Variants in PARP8 observed in about 807,000 individuals in gnomAD.
The protein encoded by PARP8 is poly(ADP-ribose) polymerase family member 8.
In PARP8, 51 loss-of-function variants were observed where a neutral mutation model predicts 124.1. The ratio of observed to expected loss-of-function variants is 0.41; its 90% CI spans 0.33 to 0.52. The LOEUF (loss-of-function observed/expected upper bound fraction) is 0.52. PARP8 is among the 20% of genes least tolerant of loss of function. The pLI is 0.21. For missense variants in PARP8, 860 were observed against 1,018.9 expected, an observed-to-expected ratio of 0.84 and a Z score of 2.12; for synonymous variants, 391 against 361.5, an observed-to-expected ratio of 1.08 and a Z score of -0.93.
chr5:50,828,422 C>A, intron 21 of PARP8, 38 bp downstream of exon 21: 1 of 1,558,592 alleles, frequency 6.4e-7, no homozygotes, highest in Non-Finnish European at 8.8e-7. Context: ...CTTCATTCTT[C>A]TTCAGAATTG....
chr5:50,819,387 C>CCT (rs1364791159), intron 15 of PARP8, among the ~76,000 whole-genome samples: 1 of 150,934 alleles, frequency 6.6e-6, no homozygotes, highest in Non-Finnish European at 1.5e-5. Context: ...GTGTCATTCC[C>CCT]CTCCTCCCTA....
intron 2 of PARP8, among the ~76,000 whole-genome samples, chr5:50,702,022 C>G (rs561577086): frequency 2.0e-5 from 3 of 152,020 alleles, no homozygotes; most frequent in Non-Finnish European, 4.4e-5. Flanking sequence ...TGACAACTGA[C>G]CTTCTTAATA....
At position 50,832,872 on chromosome 5, in the gene PARP8, G is replaced by A. The variant is rs1747140735; in HGVS notation, c.2307+18G>A. 1 of 1,610,604 alleles carries A rather than the reference G, an allele frequency of 6.2e-7. No homozygotes were observed. The highest frequency in any genetic ancestry group is 8.5e-7 in the Non-Finnish European group (1 of 1,177,162). On this transcript the variant is annotated intron_variant, in intron 23 of 25. Coordinates refer to ENST00000281631, the MANE Select transcript of PARP8 (RefSeq NM_024615.4). ...CATCACAGGTGTTGTAGTGACTTTAGTGACTGCTTATGATTAGTGAACTGT... is the reference window on the plus strand; with the variant it reads ...CATCACAGGTGTTGTAGTGACTTTAATGACTGCTTATGATTAGTGAACTGT...
At chr5:50,762,773 A>G (rs758227133) in intron 6 of PARP8, among the ~76,000 whole-genome samples, 25 of 152,224 alleles carry the variant, frequency 1.6e-4, no homozygotes, top group Non-Finnish European at 2.5e-4. Context: ...CTTTACCAGT[A>G]TAACATTTTA....
At chr5:50,691,209 C>T (rs1289201974) in intron 2 of PARP8, among the ~76,000 whole-genome samples, 1 of 152,156 alleles carries the variant, frequency 6.6e-6, no homozygotes, top group Non-Finnish European at 1.5e-5. Flanking sequence ...TCTCTGGTTT[C>T]CCCATTTGCC....
chr5:50,771,912 T>C (rs1401647259), intron 7 of PARP8, among the ~76,000 whole-genome samples: 8 of 152,306 alleles, frequency 5.3e-5, no homozygotes, highest in Admixed American at 4.6e-4. Context: ...TATATCATAC[T>C]AGTGTTTACC....
intron 10 of PARP8, among the ~76,000 whole-genome samples, chr5:50,793,429 A>G (rs1742180235): frequency 6.6e-6 from 1 of 152,206 alleles, no homozygotes; most frequent in African/African-American, 2.4e-5. Flanking sequence ...CCTTTCCCAA[A>G]TAAGAACACT....
intron 2 of PARP8, among the ~76,000 whole-genome samples, chr5:50,700,069 G>A (rs1753434212): frequency 6.6e-6 from 1 of 152,144 alleles, no homozygotes; most frequent in Non-Finnish European, 1.5e-5. Flanking sequence ...GCATTCTGGT[G>A]AGAAACATTA....
rs1748603091 is a variant in PARP8, at chr5:50,846,230, C to A, written c.*4162C>A. 4.0e-5 allele frequency: 6 copies of A among 151,808 alleles called. No homozygotes were observed. The South Asian group carries it at 1.2e-3, about 31-fold the overall frequency. 9.4% of individuals were successfully genotyped at this position (151,808 alleles called of 1,614,324 possible). On this transcript the variant is annotated 3_prime_UTR_variant, in exon 26 of 26. Coordinates refer to ENST00000281631, the MANE Select transcript of PARP8 (RefSeq NM_024615.4). ...TAAACATTAAGATATGCCTATGTTT[C>A]TTTAACTATACAGCCTCTTTACAAT...
At chr5:50,833,725 G>T (rs919929145) in intron 23 of PARP8, among the ~76,000 whole-genome samples, 9 of 152,104 alleles carry the variant, frequency 5.9e-5, no homozygotes, top group Non-Finnish European at 1.3e-4. Flanking sequence ...TTCTAATTCT[G>T]TGTTGTAAGA....
chr5:50,702,857 C>T (rs921525173), intron 2 of PARP8, among the ~76,000 whole-genome samples: 2 of 152,158 alleles, frequency 1.3e-5, no homozygotes, highest in African/African-American at 4.8e-5. Flanking sequence ...CTTTAATTCT[C>T]CTATCGTTCC....
chr5:50,691,039 T>A (rs1478287863), intron 2 of PARP8, among the ~76,000 whole-genome samples: 1 of 152,204 alleles, frequency 6.6e-6, no homozygotes, highest in Non-Finnish European at 1.5e-5. Context: ...CATGTCCTCA[T>A]CATCGTTTCT....
At chr5:50,809,810 A>G (rs1354036614) in intron 14 of PARP8, among the ~76,000 whole-genome samples, 33 of 152,046 alleles carry the variant, frequency 2.2e-4, no homozygotes, top group Non-Finnish European at 2.9e-5. Flanking sequence ...TTTTGTTGAA[A>G]CAAAAAGACC....
chr5:50,787,514 C>T (rs1418991300), intron 9 of PARP8, among the ~76,000 whole-genome samples: 1 of 152,110 alleles, frequency 6.6e-6, no homozygotes, highest in Non-Finnish European at 1.5e-5. Flanking sequence ...TATTTTTCCC[C>T]ATCTTTATTT....
In PARP8 at chr5:50,842,001, A is replaced by G. The variant is rs147140576; in HGVS notation, c.2498A>G (p.Asn833Ser). Reference sequence around the variant, plus strand: ...GGCCAAGTGGGAGATGCAAATATTAATACACAAGAAGGAGGCATTCACAAA... The same window carrying G: ...GGCCAAGTGGGAGATGCAAATATTAGTACACAAGAAGGAGGCATTCACAAA... ...EDGQVGDANI[N>S]TQEGGIHKEI... The change falls in exon 26 of 26, where the codon AAT (asparagine) becomes AGT (serine). Residue 833 changes from asparagine (N) to serine (S), a missense_variant. Physicochemically the swap from Asn to Ser is conservative, Grantham distance 46. Transcript: ENST00000281631. 6.2e-7 allele frequency: 1 copy of G among 1,605,892 alleles called. No individual in the cohort carries two copies. The highest frequency in any genetic ancestry group is 1.3e-5 in the African/African-American group (1 of 74,222).
At chr5:50,817,502 T>C (rs574247772) in intron 15 of PARP8, among the ~76,000 whole-genome samples, 45 of 152,322 alleles carry the variant, frequency 3.0e-4, no homozygotes, top group African/African-American at 1.0e-3. Flanking sequence ...TAAGTGGTGC[T>C]CTGGGGGCTG....
intron 2 of PARP8, among the ~76,000 whole-genome samples, chr5:50,717,609 G>A (rs1309103091): frequency 1.3e-5 from 2 of 151,820 alleles, no homozygotes; most frequent in African/African-American, 4.8e-5. Context: ...AAAGGTTCCA[G>A]GACTGAACCC....
intron 2 of PARP8, among the ~76,000 whole-genome samples, chr5:50,714,512 C>T (rs190112173): frequency 5.9e-5 from 9 of 152,040 alleles, no homozygotes; most frequent in African/African-American, 9.7e-5. Context: ...CCTATCAACC[C>T]GTCATCTAGG....
intron 2 of PARP8, among the ~76,000 whole-genome samples, chr5:50,698,041 T>C (rs1753214876): frequency 6.6e-6 from 1 of 152,058 alleles, no homozygotes; most frequent in South Asian, 2.1e-4. Context: ...CTTATTGGAG[T>C]TTTCTCATAC....
Sources: allele counts gnomAD v4.1 joint callset (sites outside exome capture counted in the v4.1 genomes callset), GRCh38; gene constraint gnomAD v4.1.1; transcripts MANE v1.5; gene names NCBI Gene and HGNC (gene_info 2026-07-23, HGNC 2026-07-21).